The following RPS6KA2 variants were observed in gnomAD, a reference collection of about 807,000 sequenced individuals.
RPS6KA2 encodes the protein ribosomal protein S6 kinase alpha-2.
In RPS6KA2, 42 loss-of-function variants were observed where a neutral mutation model predicts 91.8. That is an observed-to-expected ratio of 0.46 (90% CI 0.36 to 0.59). The LOEUF (loss-of-function observed/expected upper bound fraction) is 0.59. Among genes scored for constraint, RPS6KA2 ranks in the 20% least tolerant of loss-of-function variants. RPS6KA2 has a pLI of 0.00. For missense variants in RPS6KA2, 798 were observed against 978.5 expected (o/e 0.82, Z 2.46); for synonymous variants, 414 against 393.6 (o/e 1.05, Z -0.61).
intron 2 of RPS6KA2, among the ~76,000 whole-genome samples, chr6:166,712,184 TG>T (rs1789882303): frequency 6.6e-6 from 1 of 152,198 alleles, no homozygotes; most frequent in Non-Finnish European, 1.5e-5. Flanking sequence ...GAGGAAATTC[TG>T]GCAGCCCAGG....
intron 5 of RPS6KA2, among the ~76,000 whole-genome samples, chr6:166,506,126 G>C (rs1002451420): frequency 6.6e-6 from 1 of 152,136 alleles, no homozygotes; most frequent in African/African-American, 2.4e-5. Context: ...GAGTTCTGCA[G>C]GTTCGCCGGC....
intron 14 of RPS6KA2, among the ~76,000 whole-genome samples, chr6:166,441,967 TC>T (rs896578554): frequency 5.3e-5 from 8 of 152,072 alleles, no homozygotes; most frequent in African/African-American, 1.7e-4. Context: ...GAGGAAGCGG[TC>T]CGGCTGCCGC....
chr6:166,527,857 C>A (rs1365078701), intron 3 of RPS6KA2, among the ~76,000 whole-genome samples: 2 of 152,232 alleles, frequency 1.3e-5, no homozygotes, highest in Non-Finnish European at 2.9e-5. Context: ...CCAGGCTTCA[C>A]CCATGTTGGA....
intron 2 of RPS6KA2, among the ~76,000 whole-genome samples, chr6:166,818,637 T>G (rs1779829734): frequency 6.6e-6 from 1 of 152,196 alleles, no homozygotes; most frequent in South Asian, 2.1e-4. Flanking sequence ...GACCGTTGCC[T>G]GTGCTTGTTA....
At chr6:166,700,906 A>C (rs1179402200) in intron 2 of RPS6KA2, among the ~76,000 whole-genome samples, 1 of 152,154 alleles carries the variant, frequency 6.6e-6, no homozygotes, top group African/African-American at 2.4e-5. Context: ...GGTGTCATAC[A>C]TTTCAGAGAG....
chr6:166,513,755 T>C (rs1224065652), intron 3 of RPS6KA2, among the ~76,000 whole-genome samples: 1 of 152,222 alleles, frequency 6.6e-6, no homozygotes, highest in African/African-American at 2.4e-5. Flanking sequence ...GAAACCACTG[T>C]CCCAGTCGTT....
At chr6:166,506,757 G>A (rs76391807) in intron 5 of RPS6KA2, among the ~76,000 whole-genome samples, 5,256 of 152,228 alleles carry the variant, frequency 0.035, 132 homozygotes, top group Middle Eastern at 0.058. Flanking sequence ...GCAAGACAGC[G>A]GGGTCTCCTG....
At position 166,719,385 on chromosome 6, in the gene RPS6KA2, T is replaced by TA. The variant is rs1186709835; in HGVS notation, c.123+138814dup. Among the ~76,000 whole-genome samples the TA allele has an allele frequency of 1.8e-4, 27 of 152,228 alleles. 1 individual carries two copies. Among genetic ancestry groups the TA allele is most frequent in the Admixed American group, 1.8e-3 (27 of 15,288 alleles). ...CTTCTTTTGACTTTTTTCCAACTGT[T>TA]AAAATATGTAAAAATCATCCCTAGC... On this transcript the variant is annotated intron_variant, in intron 2 of 21. Transcript: ENST00000503859.
intron 13 of RPS6KA2, among the ~76,000 whole-genome samples, chr6:166,450,171 A>AT (rs1779838329): frequency 7.0e-6 from 1 of 143,630 alleles, no homozygotes; most frequent in Non-Finnish European, 1.5e-5. Flanking sequence ...GGAGACCACC[A>AT]TGGGGACCAC....
chr6:166,729,055 C>T (rs1354086997), intron 2 of RPS6KA2, among the ~76,000 whole-genome samples: 3 of 152,312 alleles, frequency 2.0e-5, no homozygotes, highest in African/African-American at 7.2e-5. Flanking sequence ...GGAAGGGCCA[C>T]CCCACAGCAG....
intron 10 of RPS6KA2, among the ~76,000 whole-genome samples, chr6:166,479,363 G>A (rs776040715): frequency 6.6e-6 from 1 of 152,268 alleles, no homozygotes; most frequent in Non-Finnish European, 1.5e-5. Context: ...GGCAGCAGGC[G>A]ATGCTGGGGA....
At chr6:166,534,659 C>T (rs1161130360) in intron 2 of RPS6KA2, among the ~76,000 whole-genome samples, 1 of 152,212 alleles carries the variant, frequency 6.6e-6, no homozygotes, top group Non-Finnish European at 1.5e-5. Context: ...ACTTTTCTCT[C>T]TCGTATGTTA....
intron 2 of RPS6KA2, among the ~76,000 whole-genome samples, chr6:166,742,801 G>T (rs909572697): frequency 1.3e-5 from 2 of 152,156 alleles, no homozygotes; most frequent in Non-Finnish European, 2.9e-5. Flanking sequence ...TTGTTAACAG[G>T]TGAATGGAGC....
intron 2 of RPS6KA2, among the ~76,000 whole-genome samples, chr6:166,834,707 T>C (rs1780275822): frequency 6.6e-6 from 1 of 152,250 alleles, no homozygotes; most frequent in African/African-American, 2.4e-5. Flanking sequence ...CCTGATGTAA[T>C]CCGGATATAA....
chr6:166,804,827 T>C lies in RPS6KA2; in HGVS notation c.123+53373A>G, dbSNP rs144047957. 1.8e-3 allele frequency among the ~76,000 whole-genome samples: 280 copies of C among 152,344 alleles called. 1 individual carries two copies. The highest frequency in any genetic ancestry group is 6.5e-3 in the African/African-American group (272 of 41,586). On this transcript the variant is annotated intron_variant, in intron 2 of 21. Coordinates refer to the RPS6KA2 transcript ENST00000503859. Reference sequence around the variant, plus strand: ...AAATAGACTAACAAGACATATGATCTGGATTGACAAAATCTTTTAAAAGCA... The same window carrying C: ...AAATAGACTAACAAGACATATGATCCGGATTGACAAAATCTTTTAAAAGCA...
chr6:166,740,815 A>C (rs1790790573), intron 2 of RPS6KA2, among the ~76,000 whole-genome samples: 1 of 152,300 alleles, frequency 6.6e-6, no homozygotes, highest in East Asian at 1.9e-4. Flanking sequence ...ATATTTGAAC[A>C]GATACCCAGC....
chr6:166,814,090 GT>G (rs912348878), intron 2 of RPS6KA2, among the ~76,000 whole-genome samples: 33 of 152,280 alleles, frequency 2.2e-4, no homozygotes, highest in African/African-American at 7.9e-4. Context: ...TATACATAAT[GT>G]TTTTCAAAGA....
rs560829058 is a variant in RPS6KA2, at chr6:166,519,897, G to C, written c.299-9540C>G. ...TAGTTTTACATGTCAACTTGACTGG[G>C]CTAAGAGATGCCCAGAGAGCTGGTG... On this transcript the variant is annotated intron_variant, in intron 3 of 20. Coordinates refer to ENST00000265678, the MANE Select transcript of RPS6KA2 (RefSeq NM_021135.6). Among the ~76,000 whole-genome samples the C allele has an allele frequency of 1.6e-4, 24 of 152,266 alleles. No homozygotes were observed. In the South Asian group the frequency reaches 5.0e-3, roughly 32 times the overall value.
At chr6:166,817,754 G>A (rs531077995) in intron 2 of RPS6KA2, among the ~76,000 whole-genome samples, 14 of 148,078 alleles carry the variant, frequency 9.5e-5, no homozygotes, top group Non-Finnish European at 1.6e-4. Flanking sequence ...ATGGAGTCTC[G>A]CTCTGTCACC....
Sources: gnomAD v4.1 joint callset for allele counts (sites outside exome capture counted in the v4.1 genomes callset) on GRCh38, gnomAD v4.1.1 for gene constraint, MANE v1.5 for transcripts, NCBI Gene and HGNC (gene_info 2026-07-23, HGNC 2026-07-21) for gene names.